Variants in COL7A1 observed in about 807,000 individuals in gnomAD.
COL7A1 encodes the protein collagen type VII alpha 1 chain.
In COL7A1, 296 loss-of-function variants were observed where a neutral mutation model predicts 456.2. The observed-to-expected ratio is 0.65, with a 90% confidence interval of 0.59 to 0.71. The LOEUF (loss-of-function observed/expected upper bound fraction) is 0.71. Ranked by LOEUF, COL7A1 falls within the 30% of genes least tolerant of loss-of-function variation. The pLI is 0.00. For synonymous variants in COL7A1, 1,464 were observed against 1,525.9 expected (o/e 0.96, Z 0.95); for missense variants, 3,441 against 4,017.2 (o/e 0.86, Z 3.88).
rs373143982 is a variant in COL7A1, at chr3:48,580,373, C to T, written c.5053-29G>A. The T allele has an allele frequency of 4.4e-6, 7 of 1,604,444 alleles. No individual in the cohort carries two copies. In the East Asian group the frequency reaches 9.0e-5, roughly 21 times the overall value. On this transcript the variant is annotated intron_variant, in intron 55 of 118. Coordinates refer to ENST00000681320, the MANE Select transcript of COL7A1 (RefSeq NM_000094.4). The surrounding 1 kb of genome is among the most constrained non-coding windows in gnomAD (Gnocchi z 4.5). ...CAGAAAGGCAGGGGTCAGGGCCACT[C>T]AAGGTAGGCAGCAGTTTGGGAGAGC...
chr3:48,574,131 A>T lies in COL7A1; in HGVS notation c.6501+131T>A. 1.6e-6 allele frequency: 2 copies of T among 1,236,510 alleles called. No individual in the cohort carries two copies. Among genetic ancestry groups the T allele is most frequent in the Non-Finnish European group, 2.4e-6 (2 of 849,686 alleles). 76.6% of individuals were successfully genotyped at this position (1,236,510 alleles called of 1,614,324 possible). Reference sequence around the variant, plus strand: ...CACACAGACACAGGCACACACAAGCAGGCACACACAGAGAGGCACACAGAC... The same window carrying T: ...CACACAGACACAGGCACACACAAGCTGGCACACACAGAGAGGCACACAGAC... On this transcript the variant is annotated intron_variant, in intron 80 of 118. Transcript: ENST00000681320. This position sits in a 1 kb window ranked among gnomAD's most constrained non-coding sequence, Gnocchi z 5.0.
At position 48,570,949 on chromosome 3, in the gene COL7A1, C is replaced by T; in HGVS notation, c.7184G>A (p.Gly2395Asp). The T allele has an allele frequency of 6.2e-7, 1 of 1,613,494 alleles. No homozygotes were observed. Among genetic ancestry groups the T allele is most frequent in the East Asian group, 2.2e-5 (1 of 44,868 alleles). Residue 2395 changes from glycine to aspartate, a missense_variant, in exon 95 of 119, where the codon GGC becomes GAC. Transcript: ENST00000681320. The surrounding 1 kb of genome is among the most constrained non-coding windows in gnomAD (Gnocchi z 5.5). The stretch of plus-strand genomic sequence containing the variant: ...AACAACACCAGGAGCACCGGGCAGG[C>T]CAGGGAGGCCCAGATCTCCCTGAAA... ...PGVKGDLGLPGLPGAPGVVGF... is the reference protein window; with the variant it reads ...PGVKGDLGLPDLPGAPGVVGF...
intron 34 of COL7A1, 68 bp downstream of exon 34, chr3:48,584,842 C>G: frequency 1.9e-6 from 3 of 1,613,808 alleles, no homozygotes; most frequent in Non-Finnish European, 2.5e-6. Flanking sequence ...CACCACCACC[C>G]CAGGCTCCCA....
chr3:48,574,815 A>AG lies in COL7A1; in HGVS notation c.6329dup (p.Gly2111TrpfsTer6). ...CACTGACCTTAGCACCCTTGAGTCC[A>AG]GGGGGTCCCTGTTCTCCAGAGAGTC... On this transcript the variant is annotated frameshift_variant, in exon 77 of 119. Coordinates refer to ENST00000681320, the MANE Select transcript of COL7A1 (RefSeq NM_000094.4). LOFTEE classifies it high-confidence loss of function. This position sits in a 1 kb window ranked among gnomAD's most constrained non-coding sequence, Gnocchi z 5.0. The AG allele has an allele frequency of 6.2e-7, 1 of 1,613,982 alleles. No individual in the cohort carries two copies. Among genetic ancestry groups the AG allele is most frequent in the Non-Finnish European group, 8.5e-7 (1 of 1,180,006 alleles).
Position 48,595,137 on chromosome 3 carries a change from GC to G in COL7A1, c.22del (p.Ala8ProfsTer22). On this transcript the variant is annotated frameshift_variant, in exon 2 of 119. Transcript: ENST00000681320. LOFTEE classifies it high-confidence loss of function. Reference sequence around the variant, plus strand: ...TGCCAGGATCCCGGCGCAGAGCGCGGCCACCAGAAGCCGCAGCGTCATCCTA... The same window carrying G: ...TGCCAGGATCCCGGCGCAGAGCGCGGCACCAGAAGCCGCAGCGTCATCCTA... The part of the protein sequence containing the change: MTLRLLV[A>X]ALCAGILAEA... The G allele has an allele frequency of 6.4e-7, 1 of 1,552,740 alleles. No individual in the cohort carries two copies.
chr3:48,568,852 T>C lies in COL7A1; in HGVS notation c.7690A>G (p.Ser2564Gly), dbSNP rs2107639863. The C allele has an allele frequency of 6.4e-7, 1 of 1,574,162 alleles. No homozygotes were observed. The highest frequency in any genetic ancestry group is 1.2e-5 in the South Asian group (1 of 85,956). The change falls in exon 104 of 119, where the codon AGC becomes GGC. Residue 2564 changes from serine to glycine, a missense_variant. Ser to Gly is a moderately conservative substitution (Grantham distance 56, BLOSUM62 0). Around this residue, in one of 3 missense-constraint regions of COL7A1, gnomAD observed 2,084 missense variants for 2,501.3 expected, o/e 0.83. Transcript: ENST00000681320. This position sits in a 1 kb window ranked among gnomAD's most constrained non-coding sequence, Gnocchi z 5.2. ...GDNGDPGDKGSKGEPGDKGSA... is the reference protein window; with the variant it reads ...GDNGDPGDKGGKGEPGDKGSA... ...CCCTTGTCACCAGGCTCTCCCTTGC[T>C]GCCCTGTGGGAGTGACCAGGAGAGG...
At position 48,590,220 on chromosome 3, in the gene COL7A1, A is replaced by T; in HGVS notation, c.2043T>A (p.Ala681=). Residue 681 remains alanine, a synonymous_variant, in exon 16 of 119, where the codon GCT becomes GCA. Transcript: ENST00000681320. The surrounding 1 kb of genome is among the most constrained non-coding windows in gnomAD (Gnocchi z 4.6). ...ACGGGGGCAGGGCCTGACCCGTTCG[A>T]GCCACGATGACTGCAGCAGGGCCCT... ...REEGPAAVIV[A]RTDPLGPVRT... 1.2e-6 allele frequency: 2 copies of T among 1,613,352 alleles called. No individual in the cohort carries two copies. The highest frequency in any genetic ancestry group is 1.7e-6 in the Non-Finnish European group (2 of 1,179,872).
chr3:48,576,126 G>C, intron 71 of COL7A1, 123 bp downstream of exon 71: 2 of 1,492,394 alleles, frequency 1.3e-6, no homozygotes, highest in South Asian at 2.3e-5. Context: ...AACCCCAATG[G>C]GGCAGGGCAC....
At position 48,594,579 on chromosome 3, in the gene COL7A1, T is replaced by C; in HGVS notation, c.86-31A>G. 6.4e-7 allele frequency: 1 copy of C among 1,551,230 alleles called. No individual in the cohort carries two copies. Among genetic ancestry groups the C allele is most frequent in the Admixed American group, 1.9e-5 (1 of 51,896 alleles). ...GCGGGCAGGAGAGATCAGGGCCTCT[T>C]CTGGGAGGCCAACCACCCGCCTACC... On this transcript the variant is annotated intron_variant, in intron 2 of 118. Transcript: ENST00000681320. The surrounding 1 kb of genome is among the most constrained non-coding windows in gnomAD (Gnocchi z 5.5).
Position 48,565,381 on chromosome 3 carries a change from A to C in COL7A1, c.8527+29T>G. 6.3e-7 allele frequency: 1 copy of C among 1,586,142 alleles called. No homozygotes were observed. Among genetic ancestry groups the C allele is most frequent in the Non-Finnish European group, 8.6e-7 (1 of 1,165,686 alleles). On this transcript the variant is annotated intron_variant, in intron 116 of 118. Transcript: ENST00000681320. The surrounding 1 kb of genome is among the most constrained non-coding windows in gnomAD (Gnocchi z 4.5). ...ATGTGCGTGTCTCGGCCCCACCCAT[A>C]GCTGCCCCACGGGTTCAGCTGTCCT...
chr3:48,567,786 T>C lies in COL7A1; in HGVS notation c.7930-23A>G, dbSNP rs2043673546. On this transcript the variant is annotated intron_variant, in intron 107 of 118. Coordinates refer to ENST00000681320, the MANE Select transcript of COL7A1 (RefSeq NM_000094.4). This position sits in a 1 kb window ranked among gnomAD's most constrained non-coding sequence, Gnocchi z 4.3. ...TCCCTGCAGGCATCAGGCAGTGGGG[T>C]GAGCCTTAGGCCCCAGGCCACGTAG... 1 of 1,614,120 alleles carries C rather than the reference T, an allele frequency of 6.2e-7. No individual in the cohort carries two copies.
Position 48,588,722 on chromosome 3 carries a change from C to G in COL7A1, c.2507G>C (p.Gly836Ala). The G allele has an allele frequency of 6.2e-7, 1 of 1,613,904 alleles. No homozygotes were observed. The highest frequency in any genetic ancestry group is 1.1e-5 in the South Asian group (1 of 91,090). The change falls in exon 20 of 119, where the codon GGT (glycine) becomes GCT (alanine). Residue 836 changes from glycine to alanine, a missense_variant. Gly to Ala is a moderately conservative substitution (Grantham distance 60, BLOSUM62 0). Around this residue, in one of 3 missense-constraint regions of COL7A1, gnomAD observed 444 missense variants for 427.6 expected, o/e 1.04. Transcript: ENST00000681320. The surrounding 1 kb of genome is among the most constrained non-coding windows in gnomAD (Gnocchi z 4.6). ...TDSAEIRGLE[G>A]GVSYSVRVTA... is the part of the protein sequence containing the mutation. ...CACTCGCACTGAGTAGCTGACTCCA[C>G]CTTCGAGACCCCGGATCTCTGCAGA...
chr3:48,570,276 C>G lies in COL7A1; in HGVS notation c.7439G>C (p.Arg2480Pro). Reference protein sequence around the residue: ...PRGERGEPGIRGEDGRPGQEG... With the variant: ...PRGERGEPGIPGEDGRPGQEG... ...GGCTGTGGAGTAAGACATACGTACC[C>G]GGATGCCTGGCTCCCCACGCTCGCC... The change falls in exon 98 of 119, where the codon CGG becomes CCG. Residue 2480 changes from arginine (R) to proline (P), a missense_variant and splice_region_variant. Coordinates refer to ENST00000681320, the MANE Select transcript of COL7A1 (RefSeq NM_000094.4). The surrounding 1 kb of genome is among the most constrained non-coding windows in gnomAD (Gnocchi z 5.5). 1 of 1,613,716 alleles carries G rather than the reference C, an allele frequency of 6.2e-7. No individual in the cohort carries two copies. Among genetic ancestry groups the G allele is most frequent in the Non-Finnish European group, 8.5e-7 (1 of 1,179,872 alleles).
rs1553857952 is a variant in COL7A1, at chr3:48,579,367, A to C, written c.5307+2T>G. ...TCCTGAGAAACCCCCACACCCTCTC[A>C]CCTTTTCTCCTGCTGGGCCTCGGAC... On this transcript the variant is annotated splice_donor_variant, in intron 61 of 118. Coordinates refer to ENST00000681320, the MANE Select transcript of COL7A1 (RefSeq NM_000094.4). LOFTEE classifies it high-confidence loss of function. This position sits in a 1 kb window ranked among gnomAD's most constrained non-coding sequence, Gnocchi z 4.4. The C allele has an allele frequency of 1.9e-6, 3 of 1,613,890 alleles. No individual in the cohort carries two copies. Among genetic ancestry groups the C allele is most frequent in the Non-Finnish European group, 2.5e-6 (3 of 1,179,944 alleles).
At position 48,582,872 on chromosome 3, in the gene COL7A1, G is replaced by A. The variant is rs1057443484; in HGVS notation, c.4518+141C>T. 9.6e-6 allele frequency: 13 copies of A among 1,352,684 alleles called. No homozygotes were observed. In the African/African-American group the frequency reaches 1.6e-4, roughly 16 times the overall value. 83.8% of individuals were successfully genotyped at this position (1,352,684 alleles called of 1,614,324 possible). On this transcript the variant is annotated intron_variant, in intron 44 of 118. Transcript: ENST00000681320. ...CAAAGCCAGGTCCCTGGGGCTGAGG[G>A]TTAGAGCCTGTATCAGCAGGGATAA...
At position 48,569,975 on chromosome 3, in the gene COL7A1, A is replaced by C. The variant is rs1575423681; in HGVS notation, c.7486-60T>G. 1.2e-6 allele frequency: 2 copies of C among 1,610,684 alleles called. No homozygotes were observed. The highest frequency in any genetic ancestry group is 2.2e-5 in the East Asian group (1 of 44,774). The stretch of plus-strand genomic sequence containing the variant: ...CCAGGGCAGTGGAGGACGGAGGAGG[A>C]TCAGGGGGAGGAGGGAAACAGTGGG... On this transcript the variant is annotated intron_variant, in intron 99 of 118. Transcript: ENST00000681320. This position sits in a 1 kb window ranked among gnomAD's most constrained non-coding sequence, Gnocchi z 4.9.
rs750930596 is a variant in COL7A1 at position 48,593,452 on chromosome 3, G to A, written c.427-3C>T. 2 of 1,613,944 alleles carry A rather than the reference G, an allele frequency of 1.2e-6. No homozygotes were observed. The highest frequency in any genetic ancestry group is 1.7e-6 in the Non-Finnish European group (2 of 1,180,034). On this transcript the variant is annotated splice_polypyrimidine_tract_variant and splice_region_variant and intron_variant, in intron 4 of 118. Transcript: ENST00000681320. This position sits in a 1 kb window ranked among gnomAD's most constrained non-coding sequence, Gnocchi z 4.4. ...CCGTCTGTGATCAGGATGCAGACCT[G>A]GGACAGGTGCAGGGGTCAAATCACG... is the stretch of plus-strand genomic sequence containing the variant.
At position 48,592,529 on chromosome 3, in the gene COL7A1, G is replaced by C; in HGVS notation, c.976+41C>G. The C allele has an allele frequency of 1.2e-6, 2 of 1,613,656 alleles. No homozygotes were observed. ...AAGTGGGAGGGGGTACTGGGGTCGG[G>C]GGTTAGGTGAATGGGGTCAGAGGCT... On this transcript the variant is annotated intron_variant, in intron 8 of 118. Transcript: ENST00000681320. This position sits in a 1 kb window ranked among gnomAD's most constrained non-coding sequence, Gnocchi z 7.6.
At position 48,593,456 on chromosome 3, in the gene COL7A1, C is replaced by A. The variant is rs758497666; in HGVS notation, c.427-7G>T. On this transcript the variant is annotated splice_polypyrimidine_tract_variant and splice_region_variant and intron_variant, in intron 4 of 118. Coordinates refer to ENST00000681320, the MANE Select transcript of COL7A1 (RefSeq NM_000094.4). This position sits in a 1 kb window ranked among gnomAD's most constrained non-coding sequence, Gnocchi z 4.4. ...CTGTGATCAGGATGCAGACCTGGGA[C>A]AGGTGCAGGGGTCAAATCACGGTTC... 2 of 1,614,094 alleles carry A rather than the reference C, an allele frequency of 1.2e-6. No individual in the cohort carries two copies. Among genetic ancestry groups the A allele is most frequent in the South Asian group, 2.2e-5 (2 of 91,086 alleles).
Sources: gnomAD v4.1 joint callset for allele counts on GRCh38, gnomAD v4.1.1 for gene constraint, gnomAD v4.1.1 regional missense constraint, Gnocchi (gnomAD v3.1) non-coding constraint, MANE v1.5 for transcripts, NCBI Gene and HGNC (gene_info 2026-07-23, HGNC 2026-07-21) for gene names.